The following NRXN1 variants were observed in gnomAD, a reference collection of about 807,000 sequenced individuals.
NRXN1 encodes the protein neurexin-1.
A neutral mutation model predicts 150.9 loss-of-function variants in NRXN1; 39 were observed. The observed-to-expected ratio is 0.26, with a 90% confidence interval of 0.20 to 0.34. The LOEUF (loss-of-function observed/expected upper bound fraction) is 0.34, where lower values mean the gene tolerates loss of function less well. Among genes scored for constraint, NRXN1 ranks in the 10% least tolerant of loss-of-function variants. NRXN1 has a pLI of 1.00. For missense variants in NRXN1, 1,815 were observed against 1,949.9 expected, an observed-to-expected ratio of 0.93 and a Z score of 1.30; for synonymous variants, 924 against 757.0, an observed-to-expected ratio of 1.22 and a Z score of -3.62.
intron 5 of NRXN1, among the ~76,000 whole-genome samples, chr2:50,709,132 C>T (rs545699962): frequency 2.0e-5 from 3 of 152,226 alleles, no homozygotes; most frequent in Non-Finnish European, 2.9e-5. Context: ...GGCATCAGCT[C>T]GTACCACAGG....
chr2:50,210,856 T>C (rs2062965396), intron 18 of NRXN1, among the ~76,000 whole-genome samples: 1 of 151,590 alleles, frequency 6.6e-6, no homozygotes, highest in Admixed American at 6.6e-5. Context: ...ATAAAAGATA[T>C]ATTTAGCTTT....
chr2:50,576,700 G>A, intron 8 of NRXN1, among the ~76,000 whole-genome samples: 1 of 151,948 alleles, frequency 6.6e-6, no homozygotes, highest in East Asian at 1.9e-4. Flanking sequence ...GCATTGCCAA[G>A]GCTGAATTTG....
chr2:50,852,679 C>T (rs1674693248), intron 5 of NRXN1, among the ~76,000 whole-genome samples: 1 of 152,232 alleles, frequency 6.6e-6, no homozygotes, highest in African/African-American at 2.4e-5. Flanking sequence ...TACACACTAC[C>T]TGTGTCAGTA....
In NRXN1 at chr2:49,920,593, C is replaced by T. The variant is rs556129126; in HGVS notation, c.*1351G>A. The T allele has an allele frequency of 6.6e-6, 1 of 152,574 alleles. No homozygotes were observed. Among genetic ancestry groups the T allele is most frequent in the South Asian group, 2.1e-4 (1 of 4,824 alleles). The allele number at this position is 152,574 out of a possible 1,614,324, so 9.5% of individuals were successfully genotyped here. ...AAATCACCCCATTTGTCATCAATAC[C>T]TTGGCACAACCCTCTTCCTTCCTGC... On this transcript the variant is annotated 3_prime_UTR_variant, in exon 23 of 23. Coordinates refer to ENST00000401669, the MANE Select transcript of NRXN1 (RefSeq NM_001330078.2).
In NRXN1 at chr2:50,800,556, AT is replaced by A. The variant is rs538265413; in HGVS notation, c.832+121312del. 2.6e-3 allele frequency among the ~76,000 whole-genome samples: 394 copies of A among 150,222 alleles called. 1 individual carries two copies. The highest frequency in any genetic ancestry group is 4.2e-3 in the Admixed American group (63 of 15,054). On this transcript the variant is annotated intron_variant, in intron 5 of 22. Transcript: ENST00000401669. ...TATAAAATGAATAAATTAATAATGA[AT>A]TTTTTTTTTAAGACAAAGTTTCACT...
intron 2 of NRXN1, chr2:51,026,450 C>A: frequency 6.2e-7 from 1 of 1,603,034 alleles, no homozygotes; most frequent in South Asian, 1.1e-5. Flanking sequence ...GCAAAACACA[C>A]TGAAGACCGA....
chr2:50,674,005 GGTTGATGGGTGC>G, intron 5 of NRXN1, among the ~76,000 whole-genome samples: 1 of 152,096 alleles, frequency 6.6e-6, no homozygotes, highest in East Asian at 1.9e-4. Context: ...GTAGGTAACT[GGTTGATGGGTGC>G]AGCAAACCAC....
intron 18 of NRXN1, among the ~76,000 whole-genome samples, chr2:50,108,108 T>C (rs767007908): frequency 6.6e-6 from 1 of 151,822 alleles, no homozygotes; most frequent in Non-Finnish European, 1.5e-5. Context: ...AACTAGATAA[T>C]TACCAGTGAT....
chr2:50,588,181 A>G (rs947356595), intron 8 of NRXN1, among the ~76,000 whole-genome samples: 1 of 152,206 alleles, frequency 6.6e-6, no homozygotes, highest in African/African-American at 2.4e-5. Flanking sequence ...CAGCATCCAG[A>G]ATTCAATAAA....
chr2:50,429,414 G>A (rs961027763), intron 17 of NRXN1, among the ~76,000 whole-genome samples: 7 of 152,036 alleles, frequency 4.6e-5, no homozygotes, highest in Admixed American at 2.6e-4. Flanking sequence ...ATGCCATCAC[G>A]CCTGGCTAAT....
chr2:50,302,106 G>GT (rs1553411162), intron 17 of NRXN1, among the ~76,000 whole-genome samples: 2 of 151,332 alleles, frequency 1.3e-5, no homozygotes, highest in Non-Finnish European at 2.9e-5. Context: ...AGATATGTAG[G>GT]AAAAAAAATG....
intron 18 of NRXN1, among the ~76,000 whole-genome samples, chr2:50,221,353 C>A (rs1229432903): frequency 6.6e-6 from 1 of 152,108 alleles, no homozygotes; most frequent in East Asian, 1.9e-4. Flanking sequence ...CAGCAAGTTG[C>A]ATCTGTTCAG....
chr2:50,678,359 T>C (rs953201618), intron 5 of NRXN1, among the ~76,000 whole-genome samples: 1 of 152,208 alleles, frequency 6.6e-6, no homozygotes, highest in East Asian at 1.9e-4. Context: ...CATGGTTTGT[T>C]ATTGACTATC....
chr2:50,790,222 GCAACTCTTC>G (rs1705739933), intron 5 of NRXN1, among the ~76,000 whole-genome samples: 1 of 151,872 alleles, frequency 6.6e-6, no homozygotes, highest in African/African-American at 2.4e-5. Context: ...TTCAGTTCTT[GCAACTCTTC>G]CCACTTATCC....
Position 50,869,489 on chromosome 2 carries a change from C to T in NRXN1, c.832+52380G>A, listed in dbSNP as rs186293244. Among the ~76,000 whole-genome samples, 24 of 151,324 alleles carry T rather than the reference C, an allele frequency of 1.6e-4. No individual in the cohort carries two copies. In the East Asian group the frequency reaches 4.5e-3, roughly 28 times the overall value. On this transcript the variant is annotated intron_variant, in intron 5 of 22. Coordinates refer to ENST00000401669, the MANE Select transcript of NRXN1 (RefSeq NM_001330078.2). ...AAAAGATGACTATTAAAGTTTTAAT[C>T]ACTCTGAGGAGAGAGAATGGAAAAA...
chr2:50,326,921 C>CA (rs1345679566), intron 17 of NRXN1, among the ~76,000 whole-genome samples: 1 of 151,868 alleles, frequency 6.6e-6, no homozygotes, highest in Admixed American at 6.6e-5. Flanking sequence ...TAAGTGTAAA[C>CA]AAAAAAACAG....
intron 18 of NRXN1, among the ~76,000 whole-genome samples, chr2:50,214,381 C>A (rs1000103759): frequency 1.9e-4 from 29 of 151,914 alleles, no homozygotes; most frequent in African/African-American, 6.8e-4. Flanking sequence ...ATCTCTAATG[C>A]TAAATATTTT....
intron 17 of NRXN1, among the ~76,000 whole-genome samples, chr2:50,335,533 G>C (rs2077125742): frequency 6.6e-6 from 1 of 152,076 alleles, no homozygotes; most frequent in African/African-American, 2.4e-5. Flanking sequence ...ACCACCCCCT[G>C]CCGTTATTTT....
chr2:50,086,570 A>T (rs1698797422), intron 19 of NRXN1, among the ~76,000 whole-genome samples: 1 of 152,182 alleles, frequency 6.6e-6, no homozygotes, highest in African/African-American at 2.4e-5. Context: ...TAAACTTAAC[A>T]GTAATCAAAC....
Sources: gnomAD v4.1 joint callset for allele counts (sites outside exome capture counted in the v4.1 genomes callset) on GRCh38, gnomAD v4.1.1 for gene constraint, MANE v1.5 for transcripts, NCBI Gene and HGNC (gene_info 2026-07-23, HGNC 2026-07-21) for gene names.